The following SOX6 variants were observed in gnomAD, a reference collection of about 807,000 sequenced individuals.
The protein encoded by SOX6 is transcription factor SOX-6.
A neutral mutation model predicts 97.8 loss-of-function variants in SOX6; 11 were observed. That is an observed-to-expected ratio of 0.11 (90% CI 0.07 to 0.19). SOX6 has a LOEUF of 0.19. SOX6 is among the 10% of genes least tolerant of loss of function. The pLI, the probability that SOX6 is intolerant of heterozygous loss-of-function variation, is 1.00. For synonymous variants in SOX6, 360 were observed against 371.4 expected (o/e 0.97, Z 0.35); for missense variants, 810 against 1,039.5 (o/e 0.78, Z 3.04).
At chr11:16,573,732 A>G (rs561540063) in intron 4 of SOX6, among the ~76,000 whole-genome samples, 44 of 152,202 alleles carry the variant, frequency 2.9e-4, no homozygotes, top group Non-Finnish European at 5.4e-4. Context: ...CAATTTCCAG[A>G]CTTGTGTAAC....
chr11:16,234,936 T>C (rs1852971209), intron 3 of SOX6, among the ~76,000 whole-genome samples: 1 of 152,030 alleles, frequency 6.6e-6, no homozygotes, highest in African/African-American at 2.4e-5. Flanking sequence ...TATAATTCTA[T>C]TAATATTCAA....
intron 2 of SOX6, among the ~76,000 whole-genome samples, chr11:16,325,756 C>T (rs1856068940): frequency 6.6e-6 from 1 of 152,024 alleles, no homozygotes; most frequent in African/African-American, 2.4e-5. Context: ...TGTACGTCCC[C>T]CCATAATTCA....
At chr11:16,170,470 T>C (rs1851008871) in intron 6 of SOX6, among the ~76,000 whole-genome samples, 1 of 151,978 alleles carries the variant, frequency 6.6e-6, no homozygotes, top group African/African-American at 2.4e-5. Context: ...AAGAAGCTTA[T>C]CTTTTTAGAT....
chr11:16,359,100 G>C (rs578177534), upstream of SOX6, among the ~76,000 whole-genome samples: 33 of 152,170 alleles, frequency 2.2e-4, no homozygotes, highest in African/African-American at 7.7e-4. Context: ...TATATTGTAG[G>C]AGCCCAGAAG....
chr11:16,501,757 A>G (rs1202928566), intron 4 of SOX6, among the ~76,000 whole-genome samples: 1 of 152,186 alleles, frequency 6.6e-6, no homozygotes, highest in Admixed American at 6.5e-5. Flanking sequence ...CAAAACCACA[A>G]TGAGATACCA....
At chr11:16,594,688 T>TTTTTG (rs1848192196) in intron 4 of SOX6, among the ~76,000 whole-genome samples, 1 of 120,050 alleles carries the variant, frequency 8.3e-6, no homozygotes, top group African/African-American at 3.2e-5. Flanking sequence ...TTTTTGCTTT[T>TTTTTG]TTTTTTTTTT....
intron 2 of SOX6, among the ~76,000 whole-genome samples, chr11:16,332,063 A>C (rs1856319355): frequency 6.6e-6 from 1 of 152,212 alleles, no homozygotes; most frequent in Non-Finnish European, 1.5e-5. Flanking sequence ...TGTTAATTTC[A>C]GAAAGCAAAA....
At position 16,637,568 on chromosome 11, in the gene SOX6, A is replaced by C. The variant is rs1848809328; in HGVS notation, n.430-25308T>G. On this transcript the variant is annotated intron_variant and non_coding_transcript_variant, in intron 3 of 5. Transcript: ENST00000524520. ...ATTAAACTATAAATTTCCCCAAATA[A>C]CTGCTTTAGTTAGATCCCAAAAACA... is the stretch of plus-strand genomic sequence containing the variant. 2.0e-5 allele frequency among the ~76,000 whole-genome samples: 3 copies of C among 152,190 alleles called. 1 individual carries two copies. The highest frequency in any genetic ancestry group is 7.2e-5 in the African/African-American group (3 of 41,446).
At chr11:16,124,191 A>G (rs1849557055) in intron 6 of SOX6, among the ~76,000 whole-genome samples, 1 of 152,128 alleles carries the variant, frequency 6.6e-6, no homozygotes, top group South Asian at 2.1e-4. Context: ...ACATTAATTC[A>G]TTTATTAAAC....
In SOX6 at chr11:16,673,881, A is replaced by G. The variant is rs183119458; in HGVS notation, n.429+40949T>C. ...AACAAAATACTGGCAAACCAAATTC[A>G]ACAACACATTAAAAATATCATTCAT... is the stretch of plus-strand genomic sequence containing the variant. On this transcript the variant is annotated intron_variant and non_coding_transcript_variant, in intron 3 of 5. Coordinates refer to the SOX6 transcript ENST00000524520. Among the ~76,000 whole-genome samples, 58 of 152,302 alleles carry G rather than the reference A, an allele frequency of 3.8e-4. 1 individual carries two copies. The highest frequency in any genetic ancestry group is 2.9e-3 in the Admixed American group (45 of 15,296).
intron 13 of SOX6, among the ~76,000 whole-genome samples, chr11:15,993,040 G>A (rs189429024): frequency 1.7e-4 from 26 of 152,174 alleles, no homozygotes; most frequent in African/African-American, 6.3e-4. Context: ...CTTTGCTTCT[G>A]AAACAAAATG....
chr11:16,402,014 C>G (rs543321808), intron 1 of SOX6, among the ~76,000 whole-genome samples: 1 of 151,616 alleles, frequency 6.6e-6, no homozygotes, highest in Non-Finnish European at 1.5e-5. Context: ...AACAACAACC[C>G]TAAATGTTTT....
chr11:16,707,494 C>T (rs1313020542), intron 3 of SOX6, among the ~76,000 whole-genome samples: 2 of 151,908 alleles, frequency 1.3e-5, no homozygotes, highest in Admixed American at 6.6e-5. Context: ...TATAATTGTA[C>T]CTTAGTTTCT....
At chr11:16,426,354 T>C (rs1415894563) in intron 1 of SOX6, among the ~76,000 whole-genome samples, 1 of 126,992 alleles carries the variant, frequency 7.9e-6, no homozygotes, top group Non-Finnish European at 1.6e-5. Flanking sequence ...GCCAGAGCAA[T>C]CCTAAGCAAA....
At chr11:16,716,912 G>A (rs893445283) in intron 2 of SOX6, among the ~76,000 whole-genome samples, 8 of 152,078 alleles carry the variant, frequency 5.3e-5, no homozygotes, top group South Asian at 2.1e-4. Context: ...ATAGTAATTG[G>A]GAAGGAAGGA....
chr11:16,361,518 G>A (rs1857210772), upstream of SOX6, among the ~76,000 whole-genome samples: 1 of 152,202 alleles, frequency 6.6e-6, no homozygotes, highest in Non-Finnish European at 1.5e-5. Context: ...AAAAATTAGT[G>A]TGTGCCATTT....
intron 2 of SOX6, among the ~76,000 whole-genome samples, chr11:16,333,574 T>C (rs533846361): frequency 6.6e-6 from 1 of 152,126 alleles, no homozygotes; most frequent in South Asian, 2.1e-4. Context: ...TGATTAACCC[T>C]GACCAACTTT....
chr11:15,989,236 A>C lies in SOX6; in HGVS notation c.1733-6T>G. On this transcript the variant is annotated splice_region_variant and splice_polypyrimidine_tract_variant and intron_variant, in intron 13 of 15. Transcript: ENST00000683767. Reference sequence around the variant, plus strand: ...GCCATTCATTGCTTTACTTCCTGTAATGTCAGGGCAGGAAGAACAAGATGA... The same window carrying C: ...GCCATTCATTGCTTTACTTCCTGTACTGTCAGGGCAGGAAGAACAAGATGA... 1 of 1,588,990 alleles carries C rather than the reference A, an allele frequency of 6.3e-7. No homozygotes were observed. The highest frequency in any genetic ancestry group is 8.6e-7 in the Non-Finnish European group (1 of 1,162,524).
intron 4 of SOX6, among the ~76,000 whole-genome samples, chr11:16,591,352 C>CAGAT (rs869198543): frequency 2.5e-5 from 3 of 119,648 alleles, no homozygotes; most frequent in Middle Eastern, 4.0e-3. Context: ...GATAGATAGA[C>CAGAT]AGATAGATAG....
Sources: allele counts gnomAD v4.1 joint callset (sites outside exome capture counted in the v4.1 genomes callset), GRCh38; gene constraint gnomAD v4.1.1; transcripts MANE v1.5; gene names NCBI Gene and HGNC (gene_info 2026-07-23, HGNC 2026-07-21).